The following HLA-DMA variants were observed in gnomAD, a reference collection of about 807,000 sequenced individuals.
The protein encoded by HLA-DMA is major histocompatibility complex, class II, DM alpha, also known as HLA class II histocompatibility antigen, DM alpha chain.
HLA-DMA carries 20 observed loss-of-function variants against 27.3 expected under a neutral mutation model. The observed-to-expected ratio is 0.73, with a 90% CI of 0.52 to 1.07. HLA-DMA has a LOEUF of 1.07. HLA-DMA is among the 50% of genes least tolerant of loss of function. The pLI, the probability that HLA-DMA is intolerant of heterozygous loss-of-function variation, is 0.00. For missense variants in HLA-DMA, 241 were observed against 321.7 expected (o/e 0.75, Z 1.92); for synonymous variants, 111 against 126.8 (o/e 0.88, Z 0.83).
chr6:32,950,722 A>G lies in HLA-DMA; in HGVS notation c.170T>C (p.Val57Ala). 1 of 1,613,056 alleles carries G rather than the reference A, an allele frequency of 6.2e-7. No homozygotes were observed. Among genetic ancestry groups the G allele is most frequent in the East Asian group, 2.2e-5 (1 of 44,880 alleles). ...CTCGTCGTAGGCCTCAGAGAGTCCC[A>G]CACTGGGACTCCCATCCTGGCAGTA... ...TVYCQDGSPS[V>A]GLSEAYDEDQ... Residue 57 changes from valine (V) to alanine (A), a missense_variant, in exon 2 of 5, where the codon GTG (valine) becomes GCG (alanine). Val to Ala is a moderately conservative substitution (Grantham distance 64). Coordinates refer to ENST00000374843, the MANE Select transcript of HLA-DMA (RefSeq NM_006120.4). This position sits in a 1 kb window ranked among gnomAD's most constrained non-coding sequence, Gnocchi z 5.0.
At chr6:32,952,355 C>A (rs772200320) in intron 1 of HLA-DMA, 131 of 471,342 alleles carry the variant, frequency 2.8e-4, no homozygotes, top group Non-Finnish European at 4.9e-4. Context: ...GTTCCTTAAC[C>A]TACCAGGCCT....
intron 1 of HLA-DMA, 72 bp downstream of exon 1, chr6:32,952,877 C>T: frequency 8.6e-7 from 1 of 1,161,988 alleles, no homozygotes; most frequent in South Asian, 1.3e-5. Context: ...TCACAAAGCA[C>T]AGCGCTTTTC....
At position 32,949,751 on chromosome 6, in the gene HLA-DMA, A is replaced by G. The variant is rs781033818; in HGVS notation, c.512T>C (p.Phe171Ser). ...GACAGCTGAGACAAAAGTAGGCCCA[A>G]ATCCTTCCACAGGGACGGAATGATG... Reference protein sequence around the residue: ...WQHHSVPVEGFGPTFVSAVDG... With the variant: ...WQHHSVPVEGSGPTFVSAVDG... Residue 171 changes from phenylalanine (F) to serine (S), a missense_variant, in exon 3 of 5, where the codon TTT becomes TCT. Coordinates refer to ENST00000374843, the MANE Select transcript of HLA-DMA (RefSeq NM_006120.4). This position sits in a 1 kb window ranked among gnomAD's most constrained non-coding sequence, Gnocchi z 5.8. 6.2e-7 allele frequency: 1 copy of G among 1,613,102 alleles called. No homozygotes were observed. The highest frequency in any genetic ancestry group is 8.5e-7 in the Non-Finnish European group (1 of 1,180,032).
Position 32,953,090 on chromosome 6 carries a change from C to G in HLA-DMA, c.-54G>C. The G allele has an allele frequency of 3.7e-6, 5 of 1,341,970 alleles. No homozygotes were observed. The highest frequency in any genetic ancestry group is 5.3e-6 in the Non-Finnish European group (5 of 941,056). 83.1% of individuals were successfully genotyped at this position (1,341,970 alleles called of 1,614,324 possible). On this transcript the variant is annotated 5_prime_UTR_variant, in exon 1 of 5. Coordinates refer to ENST00000374843, the MANE Select transcript of HLA-DMA (RefSeq NM_006120.4). ...TACCAACCCAGCCAACCCAGCTTCC[C>G]CAACTCCCTCCCCGAGAGGGTGGCC...
intron 1 of HLA-DMA, chr6:32,952,207 G>A (rs935043083): frequency 2.7e-5 from 11 of 406,280 alleles, no homozygotes; most frequent in East Asian, 7.1e-5. Context: ...GAAAGAGGAG[G>A]AATGGCTACA....
chr6:32,948,800 G>A lies in HLA-DMA; in HGVS notation c.*64C>T. 6.3e-7 allele frequency: 1 copy of A among 1,596,000 alleles called. No individual in the cohort carries two copies. The highest frequency in any genetic ancestry group is 8.6e-7 in the Non-Finnish European group (1 of 1,163,564). On this transcript the variant is annotated 3_prime_UTR_variant, in exon 5 of 5. Coordinates refer to ENST00000374843, the MANE Select transcript of HLA-DMA (RefSeq NM_006120.4). ...AGAGGAGATCCTGGGCAGGATGTGA[G>A]AAATCTGAGCATCCTCTGTTTGGAT...
intron 1 of HLA-DMA, 151 bp downstream of exon 1, chr6:32,952,797 CA>C (rs1776959005): frequency 5.1e-5 from 34 of 669,536 alleles, no homozygotes; most frequent in Non-Finnish European, 8.9e-5. Flanking sequence ...TATCGTTTAC[CA>C]ACCACACATA....
In HLA-DMA at chr6:32,949,612, C is replaced by T; in HGVS notation, c.651G>A (p.Trp217Ter). Residue 217 changes from tryptophan to a stop codon, truncating the protein, a stop_gained and splice_region_variant, in exon 3 of 5, where the codon TGG becomes TGA. Transcript: ENST00000374843. LOFTEE classifies it high-confidence loss of function. This position sits in a 1 kb window ranked among gnomAD's most constrained non-coding sequence, Gnocchi z 5.8. ...EIDRYTAIAY[W>*]VPRNALPSDL... ...AGAATTCCAGGGAGAAAGCCTCACC[C>T]CAATAGGCAATTGCTGTGTAGCGGT... 6.2e-7 allele frequency: 1 copy of T among 1,613,032 alleles called. No homozygotes were observed. The highest frequency in any genetic ancestry group is 8.5e-7 in the Non-Finnish European group (1 of 1,179,926).
At chr6:32,952,051 G>C (rs991106133) in intron 1 of HLA-DMA, among the ~76,000 whole-genome samples, 12 of 152,240 alleles carry the variant, frequency 7.9e-5, no homozygotes, top group African/African-American at 2.4e-4. Context: ...AGCCAAAGAA[G>C]CAAGTGAAAG....
Position 32,948,718 on chromosome 6 carries a change from C to T in HLA-DMA, c.*146G>A. The stretch of plus-strand genomic sequence containing the variant: ...GATGCAAGCCCAGGGACAGCAGAGT[C>T]CCCAGGTGGGAAATCTACACACACA... On this transcript the variant is annotated 3_prime_UTR_variant, in exon 5 of 5. Transcript: ENST00000374843. The T allele has an allele frequency of 1.1e-6, 1 of 932,812 alleles. No homozygotes were observed. Among genetic ancestry groups the T allele is most frequent in the South Asian group, 1.4e-5 (1 of 72,792 alleles). The allele number at this position is 932,812 out of a possible 1,614,324, so 57.8% of individuals were successfully genotyped here.
At position 32,950,529 on chromosome 6, in the gene HLA-DMA, C is replaced by G. The variant is rs113629270; in HGVS notation, c.363G>C (p.Pro121=). Residue 121 remains proline (P), a synonymous_variant, in exon 2 of 5, where the codon CCG becomes CCC. Coordinates refer to ENST00000374843, the MANE Select transcript of HLA-DMA (RefSeq NM_006120.4). The surrounding 1 kb of genome is among the most constrained non-coding windows in gnomAD (Gnocchi z 5.0). The stretch of plus-strand genomic sequence containing the variant: ...CAGAAAACTCCTGACCTCTGGACAC[C>G]GGGATTTTCCCATCAAGTTTTGGCC... ...QIGPKLDGKI[P]VSRGFPIAEV... 1.2e-6 allele frequency: 2 copies of G among 1,613,052 alleles called. No homozygotes were observed. Among genetic ancestry groups the G allele is most frequent in the Non-Finnish European group, 1.7e-6 (2 of 1,180,040 alleles).
Position 32,948,874 on chromosome 6 carries a change from G to A in HLA-DMA, c.782-6C>T. On this transcript the variant is annotated splice_region_variant and splice_polypyrimidine_tract_variant and intron_variant, in intron 4 of 4. Transcript: ENST00000374843. ...TCTGGTCTGGAAGAATCAGTCTGGG[G>A]GAGAGACAGGGATGGAGGAAAGGCA... The A allele has an allele frequency of 6.2e-7, 1 of 1,613,630 alleles. No individual in the cohort carries two copies. The highest frequency in any genetic ancestry group is 8.5e-7 in the Non-Finnish European group (1 of 1,179,810).
In HLA-DMA at chr6:32,950,577, G is replaced by T. The variant is rs756404499; in HGVS notation, c.315C>A (p.Cys105Ter). Reference sequence around the variant, plus strand: ...GCCCTATTTGCTGGATCATCCACTCGCAGAACTCTTTGTCAAATAAAATGG... The same window carrying T: ...GCCCTATTTGCTGGATCATCCACTCTCAGAACTCTTTGTCAAATAAAATGG... ...APAILFDKEF[C>*]EWMIQQIGPK... The change falls in exon 2 of 5, where the codon TGC becomes TGA. Residue 105 changes from cysteine (C) to a stop codon, truncating the protein, a stop_gained. Transcript: ENST00000374843. LOFTEE classifies it high-confidence loss of function. This position sits in a 1 kb window ranked among gnomAD's most constrained non-coding sequence, Gnocchi z 5.0. The T allele has an allele frequency of 5.6e-6, 9 of 1,612,986 alleles. No individual in the cohort carries two copies. Among genetic ancestry groups the T allele is most frequent in the Non-Finnish European group, 7.6e-6 (9 of 1,180,008 alleles).
chr6:32,952,794 T>G (rs1359891702), intron 1 of HLA-DMA, among the ~76,000 whole-genome samples, 155 bp downstream of exon 1: 1 of 152,232 alleles, frequency 6.6e-6, no homozygotes, highest in Non-Finnish European at 1.5e-5. Context: ...TGATATCGTT[T>G]ACCAACCACA....
Position 32,949,455 on chromosome 6 carries a change from G to T in HLA-DMA, c.653-56C>A. Reference sequence around the variant, plus strand: ...CCTAGTTAGGGAGCCTCCCACCCAGGGAAATGACGTGGGTGTCTGGGATGA... The same window carrying T: ...CCTAGTTAGGGAGCCTCCCACCCAGTGAAATGACGTGGGTGTCTGGGATGA... On this transcript the variant is annotated intron_variant, in intron 3 of 4. Coordinates refer to ENST00000374843, the MANE Select transcript of HLA-DMA (RefSeq NM_006120.4). The surrounding 1 kb of genome is among the most constrained non-coding windows in gnomAD (Gnocchi z 5.8). The T allele has an allele frequency of 3.1e-6, 5 of 1,610,358 alleles. No homozygotes were observed. The highest frequency in any genetic ancestry group is 4.2e-6 in the Non-Finnish European group (5 of 1,177,478).
At position 32,948,745 on chromosome 6, in the gene HLA-DMA, C is replaced by A. The variant is rs912279245; in HGVS notation, c.*119G>T. 8.3e-7 allele frequency: 1 copy of A among 1,204,540 alleles called. No homozygotes were observed. Among genetic ancestry groups the A allele is most frequent in the Non-Finnish European group, 1.2e-6 (1 of 826,136 alleles). The allele number at this position is 1,204,540 out of a possible 1,614,324, so 74.6% of individuals were successfully genotyped here. ...CCAGGTGGGAAATCTACACACACAC[C>A]CCAGGGATGTCCCAGAGACTTCTAC... On this transcript the variant is annotated 3_prime_UTR_variant, in exon 5 of 5. Transcript: ENST00000374843.
chr6:32,950,459 T>C lies in HLA-DMA; in HGVS notation c.373+60A>G. On this transcript the variant is annotated intron_variant, in intron 2 of 4. Transcript: ENST00000374843. This position sits in a 1 kb window ranked among gnomAD's most constrained non-coding sequence, Gnocchi z 5.0. ...GCTGGTATCAAGGGGAATTATTCAG[T>C]GTACAGATCAATGAGGTTAATGCAG... 1.3e-6 allele frequency: 2 copies of C among 1,552,284 alleles called. No homozygotes were observed. The highest frequency in any genetic ancestry group is 1.8e-6 in the Non-Finnish European group (2 of 1,129,620).
At chr6:32,948,960 G>C (rs1776769578) in intron 4 of HLA-DMA, 92 bp from the exon 5 acceptor site, 5 of 1,436,004 alleles carry the variant, frequency 3.5e-6, no homozygotes, top group Admixed American at 1.8e-5. Flanking sequence ...GGCCTTGCTC[G>C]CCCTGCCTGC....
chr6:32,950,516 G>A lies in HLA-DMA; in HGVS notation c.373+3C>T. 6.2e-7 allele frequency: 1 copy of A among 1,612,980 alleles called. No homozygotes were observed. The highest frequency in any genetic ancestry group is 8.5e-7 in the Non-Finnish European group (1 of 1,179,978). The stretch of plus-strand genomic sequence containing the variant: ...TCCCTTCACTCCCCAGAAAACTCCT[G>A]ACCTCTGGACACCGGGATTTTCCCA... On this transcript the variant is annotated splice_donor_region_variant and intron_variant, in intron 2 of 4. Coordinates refer to ENST00000374843, the MANE Select transcript of HLA-DMA (RefSeq NM_006120.4). This position sits in a 1 kb window ranked among gnomAD's most constrained non-coding sequence, Gnocchi z 5.0.
Sources: gnomAD v4.1 joint callset for allele counts (sites outside exome capture counted in the v4.1 genomes callset) on GRCh38, gnomAD v4.1.1 for gene constraint, Gnocchi (gnomAD v3.1) non-coding constraint, MANE v1.5 for transcripts, NCBI Gene and HGNC (gene_info 2026-07-23, HGNC 2026-07-21) for gene names.